The following SLC25A28 variants were observed in gnomAD, a reference collection of about 807,000 sequenced individuals.
SLC25A28 encodes the protein mitoferrin-2.
Under a neutral mutation model 31.9 loss-of-function variants are expected in SLC25A28, and 10 were observed. The ratio of observed to expected loss-of-function variants is 0.31; its 90% CI spans 0.19 to 0.53. The LOEUF (loss-of-function observed/expected upper bound fraction) is 0.53, where lower values mean the gene tolerates loss of function less well. SLC25A28 is among the 20% of genes least tolerant of loss of function. The pLI, the probability that SLC25A28 is intolerant of heterozygous loss-of-function variation, is 0.95. For missense variants in SLC25A28, 256 were observed against 490.3 expected (o/e 0.52, Z 4.51); for synonymous variants, 208 against 203.6 (o/e 1.02, Z -0.19).
At position 99,610,557 on chromosome 10, in the gene SLC25A28, A is replaced by C; in HGVS notation, c.*292T>G. ...AGGCTTTTTATTAGGAACCAGGGGA[A>C]TGAGCTGCTTATCCCTCTATAACAG... On this transcript the variant is annotated 3_prime_UTR_variant, in exon 4 of 4. Coordinates refer to ENST00000370495, the MANE Select transcript of SLC25A28 (RefSeq NM_031212.4). The C allele has an allele frequency of 1.1e-5, 4 of 350,058 alleles. No individual in the cohort carries two copies. The highest frequency in any genetic ancestry group is 4.7e-5 in the East Asian group (1 of 21,282). The allele number at this position is 350,058 out of a possible 1,614,324, so 21.7% of individuals were successfully genotyped here.
rs767519622 is a variant in SLC25A28, at chr10:99,613,642, G to A, written c.520+54C>T. ...CTGAGACTGGAAAGCACTGACAGCA[G>A]CAAAGCCCAAAGAGTTGGGAAAGTG... On this transcript the variant is annotated intron_variant, in intron 2 of 3. Transcript: ENST00000370495. The surrounding 1 kb of genome is among the most constrained non-coding windows in gnomAD (Gnocchi z 4.9). The A allele has an allele frequency of 2.5e-6, 4 of 1,612,578 alleles. No homozygotes were observed. In the East Asian group the frequency reaches 6.7e-5, roughly 27 times the overall value.
chr10:99,619,442 C>T (rs2034733198), intron 1 of SLC25A28: 2 of 983,308 alleles, frequency 2.0e-6, no homozygotes, highest in Non-Finnish European at 2.4e-6. Context: ...CACAGAGAAA[C>T]TGAAACCTAT....
At chr10:99,638,737 T>C in the SLC25A28 span, among the ~76,000 whole-genome samples, 2 of 152,208 alleles carry the variant, frequency 1.3e-5, no homozygotes, top group African/African-American at 4.8e-5. Context: ...CACAATGTGA[T>C]ACCACCTTAC....
At chr10:99,644,600 A>G in the SLC25A28 span, among the ~76,000 whole-genome samples, 2 of 152,162 alleles carry the variant, frequency 1.3e-5, no homozygotes, top group African/African-American at 4.8e-5. Flanking sequence ...TGTCATTATG[A>G]TGTTAGCTGG....
At chr10:99,612,512 C>G in intron 3 of SLC25A28, 31 bp downstream of exon 3, 2 of 1,611,236 alleles carry the variant, frequency 1.2e-6, no homozygotes, top group Non-Finnish European at 1.7e-6. Context: ...GGTGCAGCTG[C>G]CCACAGAGTG....
intron 3 of SLC25A28, 124 bp downstream of exon 3, chr10:99,612,419 A>T (rs1240149293): frequency 4.7e-6 from 5 of 1,067,790 alleles, no homozygotes; most frequent in Non-Finnish European, 6.9e-6. Context: ...ACATGGAGGG[A>T]GCACCCTCTA....
At chr10:99,653,927 A>T in the SLC25A28 span, 1 of 152,236 alleles carries the variant, frequency 6.6e-6, no homozygotes, top group Non-Finnish European at 1.5e-5. Context: ...AGATATAGGC[A>T]AAGTACTATA....
intron 1 of SLC25A28, chr10:99,619,134 T>C: frequency 1.0e-6 from 1 of 985,448 alleles, no homozygotes; most frequent in Non-Finnish European, 1.2e-6. Context: ...CAGAAGGACC[T>C]GACTTCAGTA....
the SLC25A28 span, among the ~76,000 whole-genome samples, chr10:99,633,878 A>G: frequency 6.6e-6 from 1 of 152,182 alleles, no homozygotes; most frequent in Non-Finnish European, 1.5e-5. Flanking sequence ...ACCAAAGCTA[A>G]GAATCCTCAC....
chr10:99,631,406 G>C, the SLC25A28 span, among the ~76,000 whole-genome samples: 2 of 151,922 alleles, frequency 1.3e-5, no homozygotes, highest in African/African-American at 4.8e-5. Context: ...TTCAAACACT[G>C]GTCTCCTGAC....
chr10:99,649,616 T>C, the SLC25A28 span, among the ~76,000 whole-genome samples: 2 of 152,202 alleles, frequency 1.3e-5, no homozygotes, highest in Non-Finnish European at 2.9e-5. Flanking sequence ...GATTTTTTAT[T>C]ACTGATTCAA....
chr10:99,652,691 T>C, the SLC25A28 span, among the ~76,000 whole-genome samples: 9 of 152,122 alleles, frequency 5.9e-5, no homozygotes. Flanking sequence ...AATGCCTCTG[T>C]TCAAGTACTA....
the SLC25A28 span, among the ~76,000 whole-genome samples, chr10:99,649,238 T>C: frequency 6.6e-6 from 1 of 152,264 alleles, no homozygotes; most frequent in African/African-American, 2.4e-5. Context: ...ATTCTGTTTA[T>C]GTGATGTATC....
upstream of SLC25A28, chr10:99,620,615 C>CCCCTTTG: frequency 2.0e-6 from 2 of 999,382 alleles, no homozygotes; most frequent in Non-Finnish European, 2.4e-6. Context: ...CCCACCTTTT[C>CCCCTTTG]CCCTTTGATC....
At chr10:99,617,735 A>G (rs940869215) in intron 1 of SLC25A28, 84 of 985,338 alleles carry the variant, frequency 8.5e-5, no homozygotes, top group Non-Finnish European at 7.7e-5. Flanking sequence ...AAGCTTTCGT[A>G]TTGTTGACAA....
chr10:99,620,868 C>A (rs1006480162), upstream of SLC25A28: 1 of 985,376 alleles, frequency 1.0e-6, no homozygotes, highest in Non-Finnish European at 1.2e-6. Flanking sequence ...GAGCTGCGGT[C>A]CCTGTGCGCG....
chr10:99,637,071 A>G, the SLC25A28 span, among the ~76,000 whole-genome samples: 1 of 152,208 alleles, frequency 6.6e-6, no homozygotes, highest in Admixed American at 6.5e-5. Flanking sequence ...ATCCAACAAC[A>G]TATCAAAAAG....
chr10:99,612,123 T>A (rs2034537654), intron 3 of SLC25A28, among the ~76,000 whole-genome samples: 1 of 152,188 alleles, frequency 6.6e-6, no homozygotes. Flanking sequence ...AACCTTTCAT[T>A]CCTATCCCAA....
At chr10:99,654,272 A>C in the SLC25A28 span, among the ~76,000 whole-genome samples, 1 of 152,156 alleles carries the variant, frequency 6.6e-6, no homozygotes, top group Non-Finnish European at 1.5e-5. Flanking sequence ...TAAGAACAAT[A>C]AGGAATTTAG....
Sources: allele counts gnomAD v4.1 joint callset (sites outside exome capture counted in the v4.1 genomes callset), GRCh38; gene constraint gnomAD v4.1.1; non-coding constraint Gnocchi (gnomAD v3.1); transcripts MANE v1.5; gene names NCBI Gene and HGNC (gene_info 2026-07-23, HGNC 2026-07-21).